The following KLF12 variants were observed in gnomAD, a reference collection of about 807,000 sequenced individuals.
KLF12 encodes the protein KLF transcription factor 12.
Under a neutral mutation model 37.8 loss-of-function variants are expected in KLF12, and 9 were observed. The ratio of observed to expected loss-of-function variants is 0.24; its 90% confidence interval spans 0.14 to 0.42. KLF12 has a LOEUF of 0.42. Ranked by LOEUF, KLF12 falls within the 10% of genes least tolerant of loss-of-function variation. The pLI is 1.00. For synonymous variants in KLF12, 208 were observed against 202.1 expected, an observed-to-expected ratio of 1.03 and a Z score of -0.25; for missense variants, 411 against 516.0, an observed-to-expected ratio of 0.80 and a Z score of 1.97.
At chr13:73,796,680 C>T (rs1050496837) in intron 5 of KLF12, among the ~76,000 whole-genome samples, 6 of 152,084 alleles carry the variant, frequency 3.9e-5, no homozygotes, top group Admixed American at 2.6e-4. Flanking sequence ...AAGATAAACA[C>T]GCATCTACCT....
At chr13:74,257,293 G>A in the KLF12 span, 1 of 152,388 alleles carries the variant, frequency 6.6e-6, no homozygotes, top group Non-Finnish European at 1.5e-5. Flanking sequence ...CAAGTTCCCT[G>A]AATTTTTCCA....
At chr13:74,190,156 T>C in the KLF12 span, among the ~76,000 whole-genome samples, 2 of 152,114 alleles carry the variant, frequency 1.3e-5, no homozygotes, top group Non-Finnish European at 2.9e-5. Flanking sequence ...TTCACAGATA[T>C]TATCAAATTA....
chr13:73,869,163 T>A (rs1324511846), intron 3 of KLF12, among the ~76,000 whole-genome samples: 1 of 152,136 alleles, frequency 6.6e-6, no homozygotes, highest in Non-Finnish European at 1.5e-5. Flanking sequence ...AGTCCTTAAT[T>A]TAGACCTTTC....
intron 1 of KLF12, among the ~76,000 whole-genome samples, chr13:74,115,228 T>C (rs1173555507): frequency 1.3e-5 from 2 of 152,352 alleles, no homozygotes; most frequent in East Asian, 3.9e-4. Flanking sequence ...TTTGAATTCC[T>C]GGTAGCAAAG....
At chr13:73,928,042 G>C (rs949807945) in intron 3 of KLF12, among the ~76,000 whole-genome samples, 2 of 151,678 alleles carry the variant, frequency 1.3e-5, no homozygotes, top group African/African-American at 4.8e-5. Flanking sequence ...ATTTTTAGTA[G>C]AGACGGGGTT....
intron 6 of KLF12, among the ~76,000 whole-genome samples, chr13:73,719,760 CCTGG>C (rs1876098421): frequency 6.6e-6 from 1 of 152,084 alleles, no homozygotes; most frequent in Non-Finnish European, 1.5e-5. Flanking sequence ...TGCCACCATG[CCTGG>C]CTAACGTTTT....
the KLF12 span, among the ~76,000 whole-genome samples, chr13:74,244,249 G>A: frequency 1.3e-5 from 2 of 152,194 alleles, no homozygotes; most frequent in East Asian, 3.9e-4. Flanking sequence ...GTTACTAGAG[G>A]TATCATGATG....
rs571924591 is a variant in KLF12, at chr13:73,925,100, G to A, written c.123+18881C>T. ...AATACAAGATAAAGCAACAGCTGAT[G>A]TAAAAGCTGTGGCAAGTTATCTGGA... On this transcript the variant is annotated intron_variant, in intron 3 of 7. Transcript: ENST00000377669. Among the ~76,000 whole-genome samples the A allele has an allele frequency of 1.2e-4, 18 of 152,346 alleles. No individual in the cohort carries two copies. In the South Asian group the frequency reaches 3.1e-3, roughly 26 times the overall value.
chr13:74,086,711 T>C (rs1196142838), intron 1 of KLF12, among the ~76,000 whole-genome samples: 1 of 151,144 alleles, frequency 6.6e-6, no homozygotes, highest in Non-Finnish European at 1.5e-5. Flanking sequence ...CAGTGAAAAA[T>C]CTTTGTGTAA....
At chr13:74,007,420 C>T (rs1344570480) in intron 1 of KLF12, among the ~76,000 whole-genome samples, 1 of 133,352 alleles carries the variant, frequency 7.5e-6, no homozygotes, top group Non-Finnish European at 1.6e-5. Context: ...CACAGGCGCC[C>T]GCCACCACGC....
At chr13:73,965,214 T>C (rs1891141450) in intron 2 of KLF12, among the ~76,000 whole-genome samples, 2 of 152,124 alleles carry the variant, frequency 1.3e-5, no homozygotes, top group South Asian at 4.1e-4. Context: ...AAAATAGTGC[T>C]GAGAACTTTA....
the KLF12 span, among the ~76,000 whole-genome samples, chr13:74,241,016 C>T: frequency 7.2e-4 from 110 of 152,024 alleles, no homozygotes; most frequent in South Asian, 2.5e-3. Flanking sequence ...GGAGGAGAGG[C>T]GCTCTGCTTT....
At chr13:74,150,787 G>T in the KLF12 span, among the ~76,000 whole-genome samples, 2 of 152,094 alleles carry the variant, frequency 1.3e-5, no homozygotes, top group Non-Finnish European at 2.9e-5. Context: ...AGGGACACAA[G>T]GGGGGCAGAG....
the KLF12 span, among the ~76,000 whole-genome samples, chr13:74,243,066 T>C: frequency 6.6e-6 from 1 of 152,188 alleles, no homozygotes; most frequent in Admixed American, 6.5e-5. Flanking sequence ...TTTTAAGCCC[T>C]GTAGGCATTA....
At position 73,994,464 on chromosome 13, in the gene KLF12, C is replaced by T. The variant is rs553595835; in HGVS notation, c.33+526G>A. On this transcript the variant is annotated intron_variant, in intron 2 of 7. Coordinates refer to ENST00000377669, the MANE Select transcript of KLF12 (RefSeq NM_007249.5). The stretch of plus-strand genomic sequence containing the variant: ...ATTTGAGGACTGTTGAAATTCACAG[C>T]GCCCCCCCCACCACCACACTTTCAT... Among the ~76,000 whole-genome samples the T allele has an allele frequency of 5.7e-4, 46 of 80,588 alleles. 1 individual carries two copies. In the South Asian group the frequency reaches 0.022, roughly 38 times the overall value. 52.9% of individuals were successfully genotyped at this position (80,588 alleles called of 152,430 possible).
chr13:74,239,298 C>G, the KLF12 span, among the ~76,000 whole-genome samples: 1 of 151,464 alleles, frequency 6.6e-6, no homozygotes, highest in African/African-American at 2.4e-5. Context: ...GCACTGTGGT[C>G]TGAGAGATAG....
At chr13:74,239,596 C>G in the KLF12 span, among the ~76,000 whole-genome samples, 28 of 107,882 alleles carry the variant, frequency 2.6e-4, no homozygotes, top group African/African-American at 1.1e-3. Flanking sequence ...GTAGGTCACT[C>G]AGGACTTGCT....
At position 73,845,995 on chromosome 13, in the gene KLF12, G is replaced by A; in HGVS notation, c.502C>T (p.Pro168Ser). The A allele has an allele frequency of 1.2e-6, 2 of 1,614,144 alleles. No individual in the cohort carries two copies. Among genetic ancestry groups the A allele is most frequent in the Non-Finnish European group, 1.7e-6 (2 of 1,180,022 alleles). ...TGTAAATTCATGGGACTTGAAGGCG[G>A]TACGGGATGGATAATGTGCAAAAAC... The change falls in exon 4 of 8, where the codon CCG becomes TCG. Residue 168 changes from proline (P) to serine (S), a missense_variant. Coordinates refer to ENST00000377669, the MANE Select transcript of KLF12 (RefSeq NM_007249.5).
the KLF12 span, among the ~76,000 whole-genome samples, chr13:74,248,497 G>A: frequency 2.0e-5 from 3 of 152,298 alleles, no homozygotes; most frequent in East Asian, 5.8e-4. Context: ...AGGAGAAATA[G>A]CCTTCATCAA....
Sources: allele counts gnomAD v4.1 joint callset (sites outside exome capture counted in the v4.1 genomes callset), GRCh38; gene constraint gnomAD v4.1.1; transcripts MANE v1.5; gene names NCBI Gene and HGNC (gene_info 2026-07-23, HGNC 2026-07-21).